ABHD16A: variants seen among roughly 807,000 people sequenced by gnomAD.
ABHD16A encodes the protein abhydrolase domain containing 16A, phospholipase.
In ABHD16A, 47 loss-of-function variants were observed where a neutral mutation model predicts 89.8. That is an observed-to-expected ratio of 0.52 (90% CI 0.41 to 0.67). The LOEUF (loss-of-function observed/expected upper bound fraction) is 0.67, where lower values mean the gene tolerates loss of function less well. ABHD16A is among the 30% of genes least tolerant of loss of function. The pLI, the probability that ABHD16A is intolerant of heterozygous loss-of-function variation, is 0.00. For synonymous variants in ABHD16A, 251 were observed against 280.4 expected, an observed-to-expected ratio of 0.90 and a Z score of 1.05; for missense variants, 580 against 734.6, an observed-to-expected ratio of 0.79 and a Z score of 2.43.
chr6:31,689,971 G>C, intron 11 of ABHD16A, 107 bp downstream of exon 11: 1 of 1,316,762 alleles, frequency 7.6e-7, no homozygotes, highest in Non-Finnish European at 1.0e-6. Flanking sequence ...CCTCAGGTGA[G>C]TGGGACGCCT....
In ABHD16A at chr6:31,701,324, G is replaced by A. The variant is rs1804967885; in HGVS notation, c.206C>T (p.Ser69Phe). 1 of 1,613,174 alleles carries A rather than the reference G, an allele frequency of 6.2e-7. No homozygotes were observed. The highest frequency in any genetic ancestry group is 1.1e-5 in the South Asian group (1 of 91,058). Residue 69 changes from serine to phenylalanine, a missense_variant, in exon 3 of 20, where the codon TCC (serine) becomes TTC (phenylalanine). Coordinates refer to ENST00000395952, the MANE Select transcript of ABHD16A (RefSeq NM_021160.3). Reference sequence around the variant, plus strand: ...GAAGGGAGAGGAGTAATAAGAGATGGACCAGAATACTGAAGCCTGCAGCAG... The same window carrying A: ...GAAGGGAGAGGAGTAATAAGAGATGAACCAGAATACTGAAGCCTGCAGCAG... ...SILALASVFW[S>F]ISYYSSPFAF...
intron 7 of ABHD16A, 136 bp downstream of exon 7, chr6:31,692,891 C>CA: frequency 8.2e-7 from 1 of 1,226,526 alleles, no homozygotes; most frequent in Non-Finnish European, 1.2e-6. Context: ...ATGACTTTGC[C>CA]ATAAATGATC....
chr6:31,686,959 A>T lies in ABHD16A; in HGVS notation c.*253T>A. On this transcript the variant is annotated 3_prime_UTR_variant, in exon 20 of 20. Transcript: ENST00000395952. The surrounding 1 kb of genome is among the most constrained non-coding windows in gnomAD (Gnocchi z 4.3). ...TGAGAAGTTATACAATTAGCCTGATAGTAGAAAAAATACCTTTTTATTAAT... is the reference window on the plus strand; with the variant it reads ...TGAGAAGTTATACAATTAGCCTGATTGTAGAAAAAATACCTTTTTATTAAT... The T allele has an allele frequency of 1.9e-6, 1 of 527,130 alleles. No individual in the cohort carries two copies. The highest frequency in any genetic ancestry group is 3.3e-6 in the Non-Finnish European group (1 of 298,768). 32.7% of individuals were successfully genotyped at this position (527,130 alleles called of 1,614,324 possible).
In ABHD16A at chr6:31,688,734, C is replaced by T. The variant is rs1803548629; in HGVS notation, c.1239G>A (p.Glu413=). The T allele has an allele frequency of 6.2e-7, 1 of 1,612,916 alleles. No individual in the cohort carries two copies. The highest frequency in any genetic ancestry group is 8.5e-7 in the Non-Finnish European group (1 of 1,180,014). Residue 413 remains glutamate (E), a synonymous_variant, in exon 14 of 20, where the codon GAG becomes GAA. Transcript: ENST00000395952. This position sits in a 1 kb window ranked among gnomAD's most constrained non-coding sequence, Gnocchi z 4.9. The part of the protein sequence containing the change: ...VRQHLNLNNA[E]QLCRYQGPVL... The stretch of plus-strand genomic sequence containing the variant: ...TGGCCGGCCCTCACCTGCACAGCTG[C>T]TCCGCGTTGTTTAGATTGAGATGCT...
rs754770819 is a variant in ABHD16A at position 31,687,517 on chromosome 6, C to T, written c.1574G>A (p.Arg525Gln). 2.6e-5 allele frequency: 42 copies of T among 1,612,956 alleles called. No homozygotes were observed. In the South Asian group the frequency reaches 3.1e-4, roughly 12 times the overall value. The change falls in exon 19 of 20, where the codon CGG becomes CAG. Residue 525 changes from arginine (R) to glutamine (Q), a missense_variant. By Grantham distance (43) the Arg-to-Gln change is conservative. Coordinates refer to ENST00000395952, the MANE Select transcript of ABHD16A (RefSeq NM_021160.3). This position sits in a 1 kb window ranked among gnomAD's most constrained non-coding sequence, Gnocchi z 6.3. Reference protein sequence around the residue: ...VGEDMSADGRRQLALFLARKH... With the variant: ...VGEDMSADGRQQLALFLARKH... Reference sequence around the variant, plus strand: ...GCTCACCAGAAACAAAGCCAGCTGCCGCCGTCCATCTGCACTCATGTCCTC... The same window carrying T: ...GCTCACCAGAAACAAAGCCAGCTGCTGCCGTCCATCTGCACTCATGTCCTC...
At chr6:31,702,802 T>C in intron 1 of ABHD16A, 1 of 1,429,682 alleles carries the variant, frequency 7.0e-7, no homozygotes, top group Non-Finnish European at 9.2e-7. Context: ...ACTGGGAGTC[T>C]GACAGCAAAA....
Position 31,693,181 on chromosome 6 carries a change from G to C in ABHD16A, c.504-32C>G, listed in dbSNP as rs1390998522. On this transcript the variant is annotated intron_variant, in intron 6 of 19. Coordinates refer to ENST00000395952, the MANE Select transcript of ABHD16A (RefSeq NM_021160.3). This position sits in a 1 kb window ranked among gnomAD's most constrained non-coding sequence, Gnocchi z 5.0. ...AAGGGAAAGATGCAGGGAAGGATAG[G>C]GTCAGGAGCAGCAAGCTGGATGTCT... 4.4e-6 allele frequency: 7 copies of C among 1,604,710 alleles called. No individual in the cohort carries two copies. The highest frequency in any genetic ancestry group is 6.0e-6 in the Non-Finnish European group (7 of 1,174,494).
chr6:31,702,109 C>A lies in ABHD16A; in HGVS notation c.154G>T (p.Ala52Ser), dbSNP rs1805070225. Reference protein sequence around the residue: ...SSWDTYYQPRALEKHADSILA... With the variant: ...SSWDTYYQPRSLEKHADSILA... The stretch of plus-strand genomic sequence containing the variant: ...ATGCTGTCAGCATGTTTCTCCAGGG[C>A]ACGGGGCTGATAGTACGTATCCTGC... The change falls in exon 2 of 20, where the codon GCC becomes TCC. Residue 52 changes from alanine to serine, a missense_variant. Physicochemically the swap from Ala to Ser is moderately conservative, Grantham distance 99. Coordinates refer to ENST00000395952, the MANE Select transcript of ABHD16A (RefSeq NM_021160.3). The A allele has an allele frequency of 6.2e-7, 1 of 1,613,088 alleles. No individual in the cohort carries two copies. Among genetic ancestry groups the A allele is most frequent in the Admixed American group, 1.7e-5 (1 of 60,020 alleles).
rs142820048 is a variant in ABHD16A at position 31,688,369 on chromosome 6, C to T, written c.1251-64G>A. On this transcript the variant is annotated intron_variant, in intron 14 of 19. Coordinates refer to ENST00000395952, the MANE Select transcript of ABHD16A (RefSeq NM_021160.3). This position sits in a 1 kb window ranked among gnomAD's most constrained non-coding sequence, Gnocchi z 4.9. The stretch of plus-strand genomic sequence containing the variant: ...GGAGACGGGTGACAACTGGCCCACC[C>T]CTATCCCTGCACTGGTAGCATTCTT... The T allele has an allele frequency of 2.0e-6, 3 of 1,500,354 alleles. No individual in the cohort carries two copies. Among genetic ancestry groups the T allele is most frequent in the Non-Finnish European group, 2.8e-6 (3 of 1,078,198 alleles). 92.9% of individuals were successfully genotyped at this position (1,500,354 alleles called of 1,614,324 possible). A position where few individuals can be genotyped will look rare whatever the true frequency, so the allele number is the denominator to read the frequency against.
In ABHD16A at chr6:31,687,501, A is replaced by G. The variant is rs1227780426; in HGVS notation, c.1590T>C (p.Phe530=). The part of the protein sequence containing the change: ...SADGRRQLAL[F]LARKHLHNFE... Reference sequence around the variant, plus strand: ...CACTTCCCACTCCTTAGCTCACCAGAAACAAAGCCAGCTGCCGCCGTCCAT... The same window carrying G: ...CACTTCCCACTCCTTAGCTCACCAGGAACAAAGCCAGCTGCCGCCGTCCAT... The change falls in exon 19 of 20, where the codon TTT becomes TTC. Residue 530 remains phenylalanine (F), a synonymous_variant. Transcript: ENST00000395952. This position sits in a 1 kb window ranked among gnomAD's most constrained non-coding sequence, Gnocchi z 6.3. 1.2e-6 allele frequency: 2 copies of G among 1,613,048 alleles called. No homozygotes were observed. The highest frequency in any genetic ancestry group is 1.7e-6 in the Non-Finnish European group (2 of 1,179,978).
At chr6:31,692,531 T>C (rs1803989672) in intron 7 of ABHD16A, among the ~76,000 whole-genome samples, 1 of 152,212 alleles carries the variant, frequency 6.6e-6, no homozygotes, top group Non-Finnish European at 1.5e-5. Flanking sequence ...ATTTACCATG[T>C]GCTCTCAAGC....
intron 1 of ABHD16A, 52 bp downstream of exon 1, chr6:31,703,098 G>T (rs1027663720): frequency 7.3e-7 from 1 of 1,377,300 alleles, no homozygotes; most frequent in Non-Finnish European, 9.5e-7. Context: ...GCAAAAGGCC[G>T]TAAAGGGTTT....
chr6:31,700,977 A>G lies in ABHD16A; in HGVS notation c.308T>C (p.Leu103Ser), dbSNP rs1804921725. 6.2e-7 allele frequency: 1 copy of G among 1,613,794 alleles called. No homozygotes were observed. Among genetic ancestry groups the G allele is most frequent in the Non-Finnish European group, 8.5e-7 (1 of 1,179,956 alleles). The change falls in exon 4 of 20, where the codon TTG (leucine) becomes TCG (serine). Residue 103 changes from leucine (L) to serine (S), a missense_variant. Physicochemically the swap from Leu to Ser is moderately radical, Grantham distance 145. This residue lies in a region of ABHD16A where 165 missense variants were observed against 165.8 expected (regional missense o/e 1.00). Coordinates refer to ENST00000395952, the MANE Select transcript of ABHD16A (RefSeq NM_021160.3). ...VVPFSHYAGT[L>S]LLLLAGVACL... ...GGCCACACCTGCCAGAAGTAGCAGC[A>G]ATGTCCCAGCATAGTGAGAAAACGG...
At position 31,701,308 on chromosome 6, in the gene ABHD16A, G is replaced by A. The variant is rs1230418912; in HGVS notation, c.222C>T (p.Ser74=). The stretch of plus-strand genomic sequence containing the variant: ...ACAAGTAGAAGAAGGCGAAGGGAGA[G>A]GAGTAATAAGAGATGGACCAGAATA... ...ASVFWSISYY[S]SPFAFFYLYR... The change falls in exon 3 of 20, where the codon TCC becomes TCT. Residue 74 remains serine, a synonymous_variant. Transcript: ENST00000395952. 5 of 1,613,714 alleles carry A rather than the reference G, an allele frequency of 3.1e-6. No homozygotes were observed. The highest frequency in any genetic ancestry group is 2.2e-5 in the East Asian group (1 of 44,814).
At position 31,687,471 on chromosome 6, in the gene ABHD16A, C is replaced by G. The variant is rs764128252; in HGVS notation, c.1593+27G>C. The G allele has an allele frequency of 1.2e-6, 2 of 1,613,060 alleles. No homozygotes were observed. The highest frequency in any genetic ancestry group is 4.5e-5 in the East Asian group (2 of 44,888). On this transcript the variant is annotated intron_variant, in intron 19 of 19. Coordinates refer to ENST00000395952, the MANE Select transcript of ABHD16A (RefSeq NM_021160.3). This position sits in a 1 kb window ranked among gnomAD's most constrained non-coding sequence, Gnocchi z 6.3. Reference sequence around the variant, plus strand: ...TGTGAGCCCTGGCCATTCAAGAACCCTTCCCACTTCCCACTCCTTAGCTCA... The same window carrying G: ...TGTGAGCCCTGGCCATTCAAGAACCGTTCCCACTTCCCACTCCTTAGCTCA...
At chr6:31,703,121 G>A in intron 1 of ABHD16A, 29 bp downstream of exon 1, 1 of 1,412,748 alleles carries the variant, frequency 7.1e-7, no homozygotes, top group Non-Finnish European at 9.3e-7. Flanking sequence ...ACTGTACCAC[G>A]TTCTTCGGTG....
Position 31,693,524 on chromosome 6 carries a change from G to A in ABHD16A, c.430-92C>T, listed in dbSNP as rs1804111396. On this transcript the variant is annotated intron_variant, in intron 5 of 19. Coordinates refer to ENST00000395952, the MANE Select transcript of ABHD16A (RefSeq NM_021160.3). The surrounding 1 kb of genome is among the most constrained non-coding windows in gnomAD (Gnocchi z 5.0). The stretch of plus-strand genomic sequence containing the variant: ...CAACACCTTCGTTATCCAGGGGTCT[G>A]ATCCCCACACATCATGGGGAAACCA... 9.0e-6 allele frequency: 11 copies of A among 1,223,720 alleles called. No homozygotes were observed. The South Asian group carries it at 1.3e-4, about 14-fold the overall frequency. 75.8% of individuals were successfully genotyped at this position (1,223,720 alleles called of 1,614,324 possible). A position where few individuals can be genotyped will look rare whatever the true frequency, so the allele number is the denominator to read the frequency against.
chr6:31,690,761 C>T lies in ABHD16A; in HGVS notation c.844-159G>A, dbSNP rs960500237. The stretch of plus-strand genomic sequence containing the variant: ...ATGGAAGCTTCTCATTCCACAGGGT[C>T]CATAAGAGGAGAAGCAAAGGGATTA... On this transcript the variant is annotated intron_variant, in intron 9 of 19. Transcript: ENST00000395952. The surrounding 1 kb of genome is among the most constrained non-coding windows in gnomAD (Gnocchi z 4.1). Among the ~76,000 whole-genome samples, 3 of 152,144 alleles carry T rather than the reference C, an allele frequency of 2.0e-5. No homozygotes were observed. The highest frequency in any genetic ancestry group is 2.0e-4 in the Admixed American group (3 of 15,276).
chr6:31,694,360 G>A lies in ABHD16A; in HGVS notation c.430-928C>T, dbSNP rs373725660. 9.7e-5 allele frequency among the ~76,000 whole-genome samples: 14 copies of A among 144,036 alleles called. No individual in the cohort carries two copies. In the East Asian group the frequency reaches 2.3e-3, roughly 23 times the overall value. 94.5% of individuals were successfully genotyped at this position (144,036 alleles called of 152,430 possible). On this transcript the variant is annotated intron_variant, in intron 5 of 19. Transcript: ENST00000395952. ...GCATGAACCACCTCACCAGCTCCAC[G>A]TTTTTTGACGGCAGTGGGAGCTGTG...
Sources: gnomAD v4.1 joint callset for allele counts (sites outside exome capture counted in the v4.1 genomes callset) on GRCh38, gnomAD v4.1.1 for gene constraint, gnomAD v4.1.1 regional missense constraint, Gnocchi (gnomAD v3.1) non-coding constraint, MANE v1.5 for transcripts, NCBI Gene and HGNC (gene_info 2026-07-23, HGNC 2026-07-21) for gene names.